GALNT13: variants seen among roughly 807,000 people sequenced by gnomAD.
GALNT13 encodes the protein polypeptide N-acetylgalactosaminyltransferase 13.
In GALNT13, 28 loss-of-function variants were observed where a neutral mutation model predicts 64.2. The ratio of observed to expected loss-of-function variants is 0.44; its 90% CI spans 0.32 to 0.60. The LOEUF is 0.60. Ranked by LOEUF, GALNT13 falls within the 20% of genes least tolerant of loss-of-function variation. The probability of loss-of-function intolerance (pLI) is 0.05; values close to 1 mark genes in which losing one functional copy is unlikely to be tolerated. For synonymous variants in GALNT13, 214 were observed against 224.6 expected, an observed-to-expected ratio of 0.95 and a Z score of 0.42; for missense variants, 577 against 669.8, an observed-to-expected ratio of 0.86 and a Z score of 1.53.
At chr2:154,065,565 C>G (rs1700417043) in intron 3 of GALNT13, among the ~76,000 whole-genome samples, 1 of 152,206 alleles carries the variant, frequency 6.6e-6, no homozygotes, top group African/African-American at 2.4e-5. Flanking sequence ...GAACAAGCAT[C>G]TCTGCCTGGT....
chr2:154,087,272 T>A lies in GALNT13; in HGVS notation c.143-53065T>A, dbSNP rs77168394. On this transcript the variant is annotated intron_variant, in intron 3 of 12. Transcript: ENST00000392825. ...ATTACTTGAGCAGATATGAAATCAATAAGACCTTAGGTAAACAGTATGGTA... is the reference window on the plus strand; with the variant it reads ...ATTACTTGAGCAGATATGAAATCAAAAAGACCTTAGGTAAACAGTATGGTA... Among the ~76,000 whole-genome samples the A allele has an allele frequency of 2.4e-3, 370 of 152,186 alleles. 4 individuals carry two copies. The highest frequency in any genetic ancestry group is 8.1e-3 in the African/African-American group (337 of 41,558).
At chr2:154,341,259 C>T (rs1243629199) in intron 9 of GALNT13, among the ~76,000 whole-genome samples, 2 of 152,044 alleles carry the variant, frequency 1.3e-5, no homozygotes, top group Non-Finnish European at 2.9e-5. Flanking sequence ...TCCTACTATG[C>T]CACTTTGCTA....
chr2:153,837,837 A>G, the GALNT13 span, among the ~76,000 whole-genome samples: 2 of 151,912 alleles, frequency 1.3e-5, no homozygotes, highest in African/African-American at 2.4e-5. Context: ...GTTTTAAGGA[A>G]TCTCCTTACT....
At chr2:153,385,267 A>G in the GALNT13 span, among the ~76,000 whole-genome samples, 1 of 152,138 alleles carries the variant, frequency 6.6e-6, no homozygotes, top group Non-Finnish European at 1.5e-5. Flanking sequence ...AACAATAACT[A>G]AATGTGGAAA....
the GALNT13 span, among the ~76,000 whole-genome samples, chr2:153,377,163 G>A: frequency 6.6e-6 from 1 of 152,162 alleles, no homozygotes; most frequent in Non-Finnish European, 1.5e-5. Flanking sequence ...AGAAGAAAGA[G>A]TATGGGGAGA....
At chr2:154,005,907 T>C (rs1276364576) in intron 3 of GALNT13, among the ~76,000 whole-genome samples, 1 of 152,180 alleles carries the variant, frequency 6.6e-6, no homozygotes, top group Non-Finnish European at 1.5e-5. Flanking sequence ...TTGGATTAGC[T>C]ACAAGTTGCT....
chr2:154,027,045 G>A (rs539652124), intron 3 of GALNT13, among the ~76,000 whole-genome samples: 1 of 152,324 alleles, frequency 6.6e-6, no homozygotes, highest in African/African-American at 2.4e-5. Flanking sequence ...GCCTCTGCAT[G>A]TAAGGAAGCA....
At chr2:153,164,607 A>G in the GALNT13 span, among the ~76,000 whole-genome samples, 4 of 152,142 alleles carry the variant, frequency 2.6e-5, no homozygotes, top group African/African-American at 9.7e-5. Flanking sequence ...AAGATACTAA[A>G]CATATTTTAG....
At chr2:153,254,821 G>A in the GALNT13 span, among the ~76,000 whole-genome samples, 1 of 152,164 alleles carries the variant, frequency 6.6e-6, no homozygotes, top group East Asian at 1.9e-4. Context: ...TGATTACACT[G>A]TGGTCTGAGA....
chr2:153,948,445 T>C (rs537738450), intron 3 of GALNT13, among the ~76,000 whole-genome samples: 1 of 152,062 alleles, frequency 6.6e-6, no homozygotes, highest in Admixed American at 6.6e-5. Flanking sequence ...GACAATGTGG[T>C]GATTGATTCA....
In GALNT13 at chr2:154,236,139, G is replaced by A. The variant is rs1008271090; in HGVS notation, c.312-5891G>A. ...AGACTTTCTGACTTTCCCTGCTTTC[G>A]TGACAGTAAATATTGTCTTCTTGCT... On this transcript the variant is annotated intron_variant, in intron 4 of 12. Transcript: ENST00000392825. 2.0e-5 allele frequency: 22 copies of A among 1,127,130 alleles called. No homozygotes were observed. In the East Asian group the frequency reaches 7.8e-4, roughly 40 times the overall value. 69.8% of individuals were successfully genotyped at this position (1,127,130 alleles called of 1,614,324 possible).
chr2:153,905,165 A>G (rs1047766352), intron 2 of GALNT13, among the ~76,000 whole-genome samples: 1 of 151,948 alleles, frequency 6.6e-6, no homozygotes, highest in African/African-American at 2.4e-5. Flanking sequence ...TCAAGTTAAC[A>G]AGAATAATTG....
chr2:154,175,389 T>C (rs1040341054), intron 4 of GALNT13, among the ~76,000 whole-genome samples: 1 of 152,192 alleles, frequency 6.6e-6, no homozygotes. Flanking sequence ...ATTCATTCAT[T>C]CTGTGGAGAA....
At chr2:153,769,434 T>A in the GALNT13 span, among the ~76,000 whole-genome samples, 5 of 149,022 alleles carry the variant, frequency 3.4e-5, no homozygotes, top group Non-Finnish European at 5.9e-5. Context: ...GCTTACAGAG[T>A]TTCTGCTGAT....
the GALNT13 span, among the ~76,000 whole-genome samples, chr2:153,717,023 C>T: frequency 6.6e-6 from 1 of 152,062 alleles, no homozygotes; most frequent in Non-Finnish European, 1.5e-5. Flanking sequence ...ACACCCTTCT[C>T]ACTTCATCTA....
At chr2:153,515,477 GATC>G in the GALNT13 span, among the ~76,000 whole-genome samples, 3 of 152,148 alleles carry the variant, frequency 2.0e-5, no homozygotes, top group Non-Finnish European at 4.4e-5. Context: ...GAACAATCTT[GATC>G]ATTTATTCAG....
the GALNT13 span, among the ~76,000 whole-genome samples, chr2:153,700,239 A>G: frequency 6.6e-6 from 1 of 152,216 alleles, no homozygotes; most frequent in Non-Finnish European, 1.5e-5. Context: ...ACCAATGACA[A>G]AAACCGCATG....
intron 3 of GALNT13, among the ~76,000 whole-genome samples, chr2:154,138,573 T>TAA (rs34134880): frequency 1.0e-4 from 14 of 138,222 alleles, no homozygotes; most frequent in African/African-American, 1.9e-4. Context: ...CAAGATATGT[T>TAA]AAAAAAAAAA....
chr2:153,320,253 A>C, the GALNT13 span, among the ~76,000 whole-genome samples: 2 of 152,204 alleles, frequency 1.3e-5, no homozygotes, highest in East Asian at 3.9e-4. Context: ...CCTATTAATA[A>C]ACTTACTAAT....
Sources: allele counts gnomAD v4.1 joint callset (sites outside exome capture counted in the v4.1 genomes callset), GRCh38; gene constraint gnomAD v4.1.1; transcripts MANE v1.5; gene names NCBI Gene and HGNC (gene_info 2026-07-23, HGNC 2026-07-21).